SLC30A8: variants seen among roughly 807,000 people sequenced by gnomAD.
The protein encoded by SLC30A8 is proton-coupled zinc antiporter SLC30A8.
In SLC30A8, 27 loss-of-function variants were observed where a neutral mutation model predicts 36.9. That is an observed-to-expected ratio of 0.73 (90% CI 0.54 to 1.01). SLC30A8 has a LOEUF of 1.01. SLC30A8 is among the 50% of genes least tolerant of loss of function. The pLI is 0.00. For missense variants in SLC30A8, 439 were observed against 452.0 expected (o/e 0.97, Z 0.26); for synonymous variants, 164 against 172.4 (o/e 0.95, Z 0.38).
chr8:117,094,716 G>T (rs984805927), intron 2 of SLC30A8, among the ~76,000 whole-genome samples: 4 of 152,206 alleles, frequency 2.6e-5, no homozygotes, highest in Non-Finnish European at 4.4e-5. Flanking sequence ...GCTTGAAGGT[G>T]GGGCTTTACC....
At chr8:117,078,875 G>A (rs1354307952) in intron 2 of SLC30A8, among the ~76,000 whole-genome samples, 1 of 152,044 alleles carries the variant, frequency 6.6e-6, no homozygotes, top group Non-Finnish European at 1.5e-5. Flanking sequence ...TTTTGTAGAG[G>A]TGGGGTTTCA....
At chr8:116,955,429 C>T (rs1381340248) in intron 1 of SLC30A8, among the ~76,000 whole-genome samples, 1 of 151,908 alleles carries the variant, frequency 6.6e-6, no homozygotes, top group East Asian at 1.9e-4. Flanking sequence ...CACCTACAAG[C>T]CAGGGAATGC....
intron 1 of SLC30A8, among the ~76,000 whole-genome samples, chr8:116,983,968 A>T (rs1815358786): frequency 6.6e-6 from 1 of 152,118 alleles, no homozygotes; most frequent in African/African-American, 2.4e-5. Context: ...TCCTGTACTG[A>T]TCCTTTACAG....
In SLC30A8 at chr8:116,952,410, A is replaced by G. The variant is rs115158732; in HGVS notation, c.-266+1291A>G. Among the ~76,000 whole-genome samples the G allele has an allele frequency of 8.3e-3, 1,259 of 152,266 alleles. 22 individuals are homozygous for G. The highest frequency in any genetic ancestry group is 0.026 in the African/African-American group (1,089 of 41,556). On this transcript the variant is annotated intron_variant, in intron 1 of 10. Coordinates refer to the SLC30A8 transcript ENST00000427715. Reference sequence around the variant, plus strand: ...TACACAAAAATTATCAGTCCCTTGAAGGCATCATGGCCCCTCACCCCAAAG... The same window carrying G: ...TACACAAAAATTATCAGTCCCTTGAGGGCATCATGGCCCCTCACCCCAAAG...
chr8:117,059,144 T>C (rs999871034), intron 2 of SLC30A8, among the ~76,000 whole-genome samples: 1 of 152,188 alleles, frequency 6.6e-6, no homozygotes, highest in African/African-American at 2.4e-5. Context: ...TATTCCTAAA[T>C]AGTTTGAATT....
At chr8:117,138,948 A>AAGAC (rs1384437802) in intron 1 of SLC30A8, among the ~76,000 whole-genome samples, 1 of 152,016 alleles carries the variant, frequency 6.6e-6, no homozygotes, top group Admixed American at 6.6e-5. Flanking sequence ...TTTTATTTGT[A>AAGAC]AGACAGCATA....
At chr8:116,970,526 G>A (rs1814756818) in intron 1 of SLC30A8, among the ~76,000 whole-genome samples, 1 of 152,180 alleles carries the variant, frequency 6.6e-6, no homozygotes, top group Non-Finnish European at 1.5e-5. Context: ...TGGCAGCACA[G>A]TAGGTTTGCC....
chr8:117,051,097 G>A (rs1190955231), intron 2 of SLC30A8, among the ~76,000 whole-genome samples: 1 of 152,214 alleles, frequency 6.6e-6, no homozygotes, highest in Non-Finnish European at 1.5e-5. Flanking sequence ...TGATTTAAAA[G>A]TAGAGACAGA....
chr8:117,065,926 C>T (rs1486913934), intron 2 of SLC30A8, among the ~76,000 whole-genome samples: 1 of 152,186 alleles, frequency 6.6e-6, no homozygotes, highest in Non-Finnish European at 1.5e-5. Flanking sequence ...CCTGGGCTGG[C>T]TGCCCCTTAG....
upstream of SLC30A8, among the ~76,000 whole-genome samples, chr8:117,134,652 G>A (rs972532335): frequency 2.6e-5 from 4 of 151,968 alleles, no homozygotes; most frequent in Non-Finnish European, 5.9e-5. Context: ...TGTTATTTAC[G>A]TAGAAGCAGA....
At chr8:117,156,904 G>A (rs1025420314) in intron 3 of SLC30A8, among the ~76,000 whole-genome samples, 1 of 152,082 alleles carries the variant, frequency 6.6e-6, no homozygotes, top group African/African-American at 2.4e-5. Context: ...CTTAAAGTGG[G>A]GAAGGACTAA....
At chr8:117,055,751 C>G (rs765348701) in intron 2 of SLC30A8, 1 of 152,186 alleles carries the variant, frequency 6.6e-6, no homozygotes, top group Non-Finnish European at 1.5e-5. Flanking sequence ...AGAATTTACA[C>G]GTGTATGTCC....
intron 1 of SLC30A8, among the ~76,000 whole-genome samples, chr8:117,005,081 G>A (rs148798501): frequency 5.2e-4 from 79 of 152,086 alleles, no homozygotes; most frequent in African/African-American, 1.3e-3. Flanking sequence ...TTGTGTAACC[G>A]TTACCACAGT....
At chr8:116,972,906 C>T (rs1004519970) in intron 1 of SLC30A8, among the ~76,000 whole-genome samples, 1 of 152,168 alleles carries the variant, frequency 6.6e-6, no homozygotes, top group Non-Finnish European at 1.5e-5. Flanking sequence ...TGACTACATT[C>T]TAGGATTCTG....
At chr8:116,962,357 C>A (rs1015285756) in intron 1 of SLC30A8, among the ~76,000 whole-genome samples, 1 of 151,986 alleles carries the variant, frequency 6.6e-6, no homozygotes, top group Non-Finnish European at 1.5e-5. Flanking sequence ...AGCCATGCCA[C>A]CTGCATATAA....
At chr8:117,161,598 AAGAT>A (rs1454745952) in intron 4 of SLC30A8, 136 bp from the exon 5 acceptor site, 37 of 788,400 alleles carry the variant, frequency 4.7e-5, no homozygotes, top group South Asian at 3.6e-4. Flanking sequence ...ACATTAGTCA[AAGAT>A]AGTTCTTTTT....
At chr8:116,994,129 A>G (rs551297798) in intron 1 of SLC30A8, among the ~76,000 whole-genome samples, 1 of 152,110 alleles carries the variant, frequency 6.6e-6, no homozygotes, top group East Asian at 1.9e-4. Flanking sequence ...TAAAGAAGAA[A>G]TAAAACCACT....
intron 6 of SLC30A8, among the ~76,000 whole-genome samples, chr8:117,168,318 TCAAA>T (rs1284681472): frequency 2.6e-5 from 4 of 152,194 alleles, no homozygotes; most frequent in African/African-American, 7.2e-5. Flanking sequence ...CTGAGTATTA[TCAAA>T]CTAACTGTTC....
chr8:117,133,036 T>A (rs908048427), upstream of SLC30A8, among the ~76,000 whole-genome samples: 1 of 151,982 alleles, frequency 6.6e-6, no homozygotes, highest in African/African-American at 2.4e-5. Context: ...TAGTACTTTA[T>A]AAATATGTAC....
Sources: allele counts gnomAD v4.1 joint callset (sites outside exome capture counted in the v4.1 genomes callset), GRCh38; gene constraint gnomAD v4.1.1; transcripts MANE v1.5; gene names NCBI Gene and HGNC (gene_info 2026-07-23, HGNC 2026-07-21).